Variants in RORA observed in about 807,000 individuals in gnomAD.
The protein encoded by RORA is RAR related orphan receptor A.
A neutral mutation model predicts 69.5 loss-of-function variants in RORA; 7 were observed. The ratio of observed to expected loss-of-function variants is 0.10; its 90% confidence interval spans 0.06 to 0.19. The LOEUF (loss-of-function observed/expected upper bound fraction) is 0.19. Among genes scored for constraint, RORA ranks in the 10% least tolerant of loss-of-function variants. RORA has a pLI of 1.00. For synonymous variants in RORA, 261 were observed against 240.8 expected, an observed-to-expected ratio of 1.08 and a Z score of -0.78; for missense variants, 457 against 663.0, an observed-to-expected ratio of 0.69 and a Z score of 3.41.
intron 1 of RORA, among the ~76,000 whole-genome samples, chr15:61,193,259 T>A (rs184733713): frequency 6.6e-6 from 1 of 152,296 alleles, no homozygotes; most frequent in African/African-American, 2.4e-5. Flanking sequence ...AACAATAATA[T>A]ATTTTTAGAA....
intron 2 of RORA, among the ~76,000 whole-genome samples, chr15:60,554,900 A>G (rs2067316526): frequency 6.6e-6 from 1 of 151,254 alleles, no homozygotes; most frequent in African/African-American, 2.4e-5. Flanking sequence ...TTTCTGATGT[A>G]CCCACCCATT....
intron 1 of RORA, among the ~76,000 whole-genome samples, chr15:60,691,514 A>T (rs932725442): frequency 6.6e-6 from 1 of 152,196 alleles, no homozygotes; most frequent in African/African-American, 2.4e-5. Context: ...GTTTACCAAT[A>T]GTGACTCCAA....
At chr15:60,852,705 G>C (rs2140415987) in intron 1 of RORA, among the ~76,000 whole-genome samples, 1 of 152,276 alleles carries the variant, frequency 6.6e-6, no homozygotes, top group African/African-American at 2.4e-5. Flanking sequence ...TCTGCAGCCT[G>C]GAAGGGAAAT....
At chr15:60,992,178 A>G (rs940536727) in intron 1 of RORA, among the ~76,000 whole-genome samples, 1 of 152,200 alleles carries the variant, frequency 6.6e-6, no homozygotes, top group African/African-American at 2.4e-5. Flanking sequence ...TTCCTGCTGG[A>G]GGAAATGGCA....
At chr15:60,750,562 T>C (rs1371699321) in intron 1 of RORA, among the ~76,000 whole-genome samples, 1 of 152,204 alleles carries the variant, frequency 6.6e-6, no homozygotes, top group South Asian at 2.1e-4. Flanking sequence ...TGTCCAGGTA[T>C]AGCAGCTGTT....
intron 1 of RORA, among the ~76,000 whole-genome samples, chr15:60,707,069 C>G (rs2071073040): frequency 6.6e-6 from 1 of 152,142 alleles, no homozygotes; most frequent in South Asian, 2.1e-4. Context: ...AGGGAAGATA[C>G]CACTTTTTCC....
At chr15:61,160,848 C>T (rs1253208737) in intron 1 of RORA, among the ~76,000 whole-genome samples, 3 of 152,096 alleles carry the variant, frequency 2.0e-5, no homozygotes, top group Non-Finnish European at 4.4e-5. Context: ...CTTTTTATTT[C>T]TTCACTGAGA....
At chr15:60,860,049 T>C (rs1260773752) in intron 1 of RORA, among the ~76,000 whole-genome samples, 1 of 152,158 alleles carries the variant, frequency 6.6e-6, no homozygotes, top group Admixed American at 6.5e-5. Context: ...CTGAGGACAC[T>C]TCATCGAATG....
At chr15:61,100,729 T>A (rs2078867370) in intron 1 of RORA, among the ~76,000 whole-genome samples, 1 of 152,312 alleles carries the variant, frequency 6.6e-6, no homozygotes, top group East Asian at 1.9e-4. Context: ...CATCACATTA[T>A]CTATCACCAG....
At chr15:60,516,087 A>ATATT (rs2065907689) in intron 3 of RORA, among the ~76,000 whole-genome samples, 4 of 64,602 alleles carry the variant, frequency 6.2e-5, no homozygotes, top group African/African-American at 1.7e-4. Flanking sequence ...TTATTTATAT[A>ATATT]TATTTATATA....
intron 1 of RORA, among the ~76,000 whole-genome samples, chr15:60,954,058 A>G (rs1302526871): frequency 1.3e-5 from 2 of 150,856 alleles, no homozygotes; most frequent in South Asian, 4.3e-4. Context: ...TACAACAATG[A>G]TAGACTGGAT....
chr15:61,051,286 G>C (rs1336178751), intron 1 of RORA, among the ~76,000 whole-genome samples: 9 of 152,122 alleles, frequency 5.9e-5, no homozygotes, highest in African/African-American at 2.2e-4. Context: ...AGTGGGAACA[G>C]CAGAAAGTAG....
At chr15:61,063,107 G>A (rs889529806) in intron 1 of RORA, among the ~76,000 whole-genome samples, 2 of 152,166 alleles carry the variant, frequency 1.3e-5, no homozygotes, top group African/African-American at 4.8e-5. Flanking sequence ...TGCCAGGCTG[G>A]CCCTGTGAAG....
intron 2 of RORA, among the ~76,000 whole-genome samples, chr15:60,629,553 G>A (rs2069686798): frequency 6.6e-6 from 1 of 152,222 alleles, no homozygotes; most frequent in Non-Finnish European, 1.5e-5. Flanking sequence ...CTGAGACTGA[G>A]AAGGCATGAG....
rs1358887226 is a variant in RORA, at chr15:60,492,656, A to G, written c.*4799T>C. ...GATGCTATATATATATTTATCATGA[A>G]TATTTTAATTATTAGAGAAATGGTA... On this transcript the variant is annotated 3_prime_UTR_variant, in exon 11 of 11. Transcript: ENST00000335670. The G allele has an allele frequency of 6.6e-6, 1 of 152,168 alleles. No individual in the cohort carries two copies. The highest frequency in any genetic ancestry group is 1.5e-5 in the Non-Finnish European group (1 of 68,018). 9.4% of individuals were successfully genotyped at this position (152,168 alleles called of 1,614,324 possible).
At chr15:60,843,748 T>C (rs1027742124) in intron 1 of RORA, among the ~76,000 whole-genome samples, 1 of 152,224 alleles carries the variant, frequency 6.6e-6, no homozygotes, top group East Asian at 1.9e-4. Context: ...GGCACAGCCC[T>C]GTCTTGCTGG....
chr15:61,009,864 T>A (rs1383779995), intron 1 of RORA, among the ~76,000 whole-genome samples: 1 of 152,182 alleles, frequency 6.6e-6, no homozygotes, highest in East Asian at 1.9e-4. Context: ...CTAGTGTTCA[T>A]CTGTAGGAAA....
At chr15:61,102,815 C>T (rs1253188679) in intron 1 of RORA, among the ~76,000 whole-genome samples, 24 of 152,200 alleles carry the variant, frequency 1.6e-4, no homozygotes, top group Admixed American at 1.5e-3. Flanking sequence ...CCCTACATGA[C>T]AGCGTGTTAC....
chr15:60,862,427 G>GGGA (rs2073443213), intron 1 of RORA, among the ~76,000 whole-genome samples: 1 of 152,218 alleles, frequency 6.6e-6, no homozygotes, highest in African/African-American at 2.4e-5. Context: ...CCAGTAAAGA[G>GGGA]GGAGGCTAGC....
Sources: gnomAD v4.1 joint callset for allele counts (sites outside exome capture counted in the v4.1 genomes callset) on GRCh38, gnomAD v4.1.1 for gene constraint, MANE v1.5 for transcripts, NCBI Gene and HGNC (gene_info 2026-07-23, HGNC 2026-07-21) for gene names.